Variants in PHYHIPL observed in about 807,000 individuals in gnomAD.
PHYHIPL encodes the protein phytanoyl-CoA hydroxylase-interacting protein-like.
PHYHIPL carries 9 observed loss-of-function variants against 33.4 expected under a neutral mutation model. That is an observed-to-expected ratio of 0.27 (90% CI 0.16 to 0.47). The LOEUF (loss-of-function observed/expected upper bound fraction) is 0.47, where lower values mean the gene tolerates loss of function less well. PHYHIPL is among the 20% of genes least tolerant of loss of function. The pLI is 0.99. For missense variants in PHYHIPL, 365 were observed against 460.7 expected (o/e 0.79, Z 1.90); for synonymous variants, 153 against 154.1 (o/e 0.99, Z 0.05).
intron 4 of PHYHIPL, among the ~76,000 whole-genome samples, chr10:59,244,574 A>AAAAAAAAAAAAAAAAC (rs1840570802): frequency 6.8e-6 from 1 of 146,878 alleles, no homozygotes; most frequent in Non-Finnish European, 1.5e-5. Context: ...AAAAAAAAAA[A>AAAAAAAAAAAAAAAAC]AAAAAAAAAA....
chr10:59,194,086 T>G (rs1447475277), intron 1 of PHYHIPL, among the ~76,000 whole-genome samples: 1 of 148,318 alleles, frequency 6.7e-6, no homozygotes, highest in Admixed American at 6.7e-5. Flanking sequence ...ATATGTTTTT[T>G]TTTTTTTTTT....
At chr10:59,240,957 A>G (rs1367367068) in intron 4 of PHYHIPL, among the ~76,000 whole-genome samples, 2 of 152,078 alleles carry the variant, frequency 1.3e-5, no homozygotes, top group African/African-American at 4.8e-5. Context: ...GCATGATTTT[A>G]CTCCCAGCTA....
At chr10:59,187,217 A>G (rs1403746078) in intron 1 of PHYHIPL, among the ~76,000 whole-genome samples, 4 of 152,210 alleles carry the variant, frequency 2.6e-5, no homozygotes, top group African/African-American at 9.7e-5. Flanking sequence ...ATCTATTGAG[A>G]TAATCATGTG....
intron 3 of PHYHIPL, among the ~76,000 whole-genome samples, chr10:59,237,531 A>G (rs1474099822): frequency 6.6e-6 from 1 of 151,970 alleles, no homozygotes; most frequent in Non-Finnish European, 1.5e-5. Flanking sequence ...GTTTATCAGA[A>G]TAATTTAGAC....
chr10:59,220,219 C>T (rs774251004), intron 1 of PHYHIPL, among the ~76,000 whole-genome samples: 3 of 151,776 alleles, frequency 2.0e-5, no homozygotes, highest in Non-Finnish European at 4.4e-5. Context: ...GTTTTTTATC[C>T]TTTAAGTTTT....
chr10:59,191,906 A>T (rs1838793874), intron 1 of PHYHIPL, among the ~76,000 whole-genome samples: 1 of 151,214 alleles, frequency 6.6e-6, no homozygotes, highest in Non-Finnish European at 1.5e-5. Context: ...TTATCAGAAT[A>T]CAATTAGAGA....
chr10:59,224,479 A>ACAAAAC (rs1403942429), intron 1 of PHYHIPL, among the ~76,000 whole-genome samples: 1 of 150,488 alleles, frequency 6.6e-6, no homozygotes, highest in Non-Finnish European at 1.5e-5. Context: ...ACAAAACAAA[A>ACAAAAC]CAAAACAAAA....
At chr10:59,200,132 G>A (rs374927834) in intron 1 of PHYHIPL, among the ~76,000 whole-genome samples, 17 of 152,222 alleles carry the variant, frequency 1.1e-4, no homozygotes, top group African/African-American at 2.6e-4. Flanking sequence ...CCTGTCTTGT[G>A]CCAGTTTTCA....
At chr10:59,181,830 G>GGA (rs1838419541) in intron 1 of PHYHIPL, among the ~76,000 whole-genome samples, 1 of 135,550 alleles carries the variant, frequency 7.4e-6, no homozygotes, top group Non-Finnish European at 1.5e-5. Flanking sequence ...AGTTACTAGA[G>GGA]CAAGTTACAT....
In PHYHIPL at chr10:59,247,700, C is replaced by T. The variant is rs150716676; in HGVS notation, c.*2109C>T. The T allele has an allele frequency of 1.9e-3, 3,041 of 1,613,082 alleles. 9 individuals are homozygous for T. The highest frequency in any genetic ancestry group is 5.5e-3 in the Middle Eastern group (33 of 6,052). On this transcript the variant is annotated 3_prime_UTR_variant, in exon 5 of 5. Transcript: ENST00000373880. ...TTTATGTGCTTATATTCATAATACT[C>T]ATCTGCCATTGGTATCCTATCTTCC...
chr10:59,222,911 G>T (rs951868936), intron 1 of PHYHIPL, among the ~76,000 whole-genome samples: 2 of 152,048 alleles, frequency 1.3e-5, no homozygotes, highest in Admixed American at 6.5e-5. Flanking sequence ...GTTTTATGTG[G>T]CTGCATAACC....
At chr10:59,213,843 G>C (rs1471745868) in intron 1 of PHYHIPL, among the ~76,000 whole-genome samples, 1 of 152,178 alleles carries the variant, frequency 6.6e-6, no homozygotes, top group Non-Finnish European at 1.5e-5. Flanking sequence ...GAGCTAGATT[G>C]GGAAGAAAAC....
At chr10:59,191,085 A>G (rs947959432) in intron 1 of PHYHIPL, among the ~76,000 whole-genome samples, 5 of 151,856 alleles carry the variant, frequency 3.3e-5, no homozygotes, top group Admixed American at 2.0e-4. Context: ...CAGTTTAGTT[A>G]GTGGTGTGTT....
At chr10:59,211,980 G>A (rs1465431019) in intron 1 of PHYHIPL, among the ~76,000 whole-genome samples, 5 of 152,170 alleles carry the variant, frequency 3.3e-5, no homozygotes, top group African/African-American at 9.7e-5. Context: ...GGACTTTTAA[G>A]AGGTGATTAG....
intron 4 of PHYHIPL, among the ~76,000 whole-genome samples, chr10:59,242,973 G>A (rs542238527): frequency 8.0e-4 from 121 of 152,086 alleles, no homozygotes; most frequent in Non-Finnish European, 1.2e-3. Flanking sequence ...AAGAGGGTGG[G>A]GCTGAAAAAG....
chr10:59,178,444 G>A (rs1330809024), intron 1 of PHYHIPL, among the ~76,000 whole-genome samples: 1 of 152,012 alleles, frequency 6.6e-6, no homozygotes, highest in African/African-American at 2.4e-5. Flanking sequence ...TTTTAATAAC[G>A]CATAGGAAGT....
chr10:59,214,787 A>G (rs1051554979), intron 1 of PHYHIPL, among the ~76,000 whole-genome samples: 2 of 152,094 alleles, frequency 1.3e-5, no homozygotes, highest in Non-Finnish European at 2.9e-5. Flanking sequence ...ACAAAGATCA[A>G]CCCAATAGGA....
intron 4 of PHYHIPL, among the ~76,000 whole-genome samples, chr10:59,240,233 A>G (rs1840350997): frequency 6.6e-6 from 1 of 152,032 alleles, no homozygotes; most frequent in South Asian, 2.1e-4. Context: ...TGATAGATAT[A>G]ACATAAATTA....
At chr10:59,194,991 G>A (rs572707044) in intron 1 of PHYHIPL, among the ~76,000 whole-genome samples, 1 of 152,156 alleles carries the variant, frequency 6.6e-6, no homozygotes, top group Non-Finnish European at 1.5e-5. Flanking sequence ...CTTGTGAAAT[G>A]TCAAAAACAT....
Sources: allele counts gnomAD v4.1 joint callset (sites outside exome capture counted in the v4.1 genomes callset), GRCh38; gene constraint gnomAD v4.1.1; transcripts MANE v1.5; gene names NCBI Gene and HGNC (gene_info 2026-07-23, HGNC 2026-07-21).